CFAP20DC: variants seen among roughly 807,000 people sequenced by gnomAD.
The protein encoded by CFAP20DC is CFAP20 domain containing.
A neutral mutation model predicts 101.7 loss-of-function variants in CFAP20DC; 84 were observed. That is an observed-to-expected ratio of 0.83 (90% CI 0.69 to 0.99). The LOEUF (loss-of-function observed/expected upper bound fraction) is 0.99, where lower values mean the gene tolerates loss of function less well. Ranked by LOEUF, CFAP20DC falls within the 50% of genes least tolerant of loss-of-function variation. The pLI, the probability that CFAP20DC is intolerant of heterozygous loss-of-function variation, is 0.00. For missense variants in CFAP20DC, 1,007 were observed against 970.3 expected, an observed-to-expected ratio of 1.04 and a Z score of -0.50; for synonymous variants, 359 against 351.2, an observed-to-expected ratio of 1.02 and a Z score of -0.25.
At chr3:58,730,279 G>A (rs2067620626) in intron 3 of CFAP20DC, among the ~76,000 whole-genome samples, 1 of 152,150 alleles carries the variant, frequency 6.6e-6, no homozygotes, top group Non-Finnish European at 1.5e-5. Flanking sequence ...TGATGAATAT[G>A]TTAATTAACT....
chr3:58,871,602 C>T (rs2080225974), intron 7 of CFAP20DC, among the ~76,000 whole-genome samples: 1 of 150,440 alleles, frequency 6.6e-6, no homozygotes, highest in African/African-American at 2.5e-5. Context: ...GTTCTTGGCT[C>T]ACTGCAACCG....
At chr3:58,766,979 T>G (rs548365384) in intron 15 of CFAP20DC, among the ~76,000 whole-genome samples, 2 of 152,342 alleles carry the variant, frequency 1.3e-5, no homozygotes, top group Non-Finnish European at 2.9e-5. Flanking sequence ...ACTGTGATCT[T>G]CTCGTTAAGA....
chr3:58,770,130 C>G (rs1348172031), intron 15 of CFAP20DC, among the ~76,000 whole-genome samples: 1 of 152,164 alleles, frequency 6.6e-6, no homozygotes, highest in Admixed American at 6.5e-5. Context: ...TTTCTAGACA[C>G]TGAACTATTA....
At position 58,897,587 on chromosome 3, in the gene CFAP20DC, C is replaced by G. The variant is rs962391500; in HGVS notation, c.551-12878G>C. ...AAGGCAAGCCTCGTGGTGATGAGTT[C>G]CCTCAGCATTTGCTTGTCTGAAAAT... On this transcript the variant is annotated intron_variant, in intron 6 of 16. Coordinates refer to ENST00000482387, the MANE Select transcript of CFAP20DC (RefSeq NM_001394063.1). This position sits in a 1 kb window ranked among gnomAD's most constrained non-coding sequence, Gnocchi z 4.4. Among the ~76,000 whole-genome samples the G allele has an allele frequency of 7.2e-5, 11 of 152,202 alleles. No homozygotes were observed. The South Asian group carries it at 1.9e-3, about 26-fold the overall frequency.
intron 14 of CFAP20DC, among the ~76,000 whole-genome samples, chr3:58,826,503 T>A (rs1248620157): frequency 1.3e-5 from 2 of 152,196 alleles, no homozygotes; most frequent in Non-Finnish European, 2.9e-5. Context: ...TCCCTCCCTG[T>A]GTCCATGTGT....
At chr3:58,718,585 G>A (rs2067427886) in intron 3 of CFAP20DC, among the ~76,000 whole-genome samples, 1 of 152,158 alleles carries the variant, frequency 6.6e-6, no homozygotes, top group African/African-American at 2.4e-5. Flanking sequence ...TGTCCTGCGG[G>A]CACTGCCAAT....
rs1443082012 is a variant in CFAP20DC, at chr3:58,846,944, G to T, written c.1971+2088C>A. Among the ~76,000 whole-genome samples the T allele has an allele frequency of 9.1e-3, 1,350 of 148,136 alleles. 12 individuals carry two copies. The highest frequency in any genetic ancestry group is 0.032 in the African/African-American group (1,296 of 40,006). On this transcript the variant is annotated intron_variant, in intron 13 of 16. Coordinates refer to ENST00000482387, the MANE Select transcript of CFAP20DC (RefSeq NM_001394063.1). ...ATTCCCTATTTAATAAATGGTGCTG[G>T]GAAAACTGGCTAGCCATATGTAGAA...
At chr3:58,806,589 C>G in intron 14 of CFAP20DC, 133 bp from the exon 15 acceptor site, 1 of 695,430 alleles carries the variant, frequency 1.4e-6, no homozygotes, top group Non-Finnish European at 2.6e-6. Flanking sequence ...GGAGGGCAGC[C>G]AAGACGGCCG....
rs1018610314 is a variant in CFAP20DC at position 58,814,722 on chromosome 3, C to A, written c.2176-8266G>T. Among the ~76,000 whole-genome samples the A allele has an allele frequency of 2.0e-5, 3 of 150,612 alleles. 1 individual carries two copies. The highest frequency in any genetic ancestry group is 7.5e-5 in the African/African-American group (3 of 40,236). On this transcript the variant is annotated intron_variant, in intron 14 of 16. Transcript: ENST00000482387. ...TTCTGATACACCAACAACAGACAAA[C>A]AGAGAGCCAAATCATGAGTGAACTC...
Position 58,724,570 on chromosome 3 carries a change from T to C in CFAP20DC, c.198-6942A>G, listed in dbSNP as rs571383066. Among the ~76,000 whole-genome samples, 1 of 152,204 alleles carries C rather than the reference T, an allele frequency of 6.6e-6. No homozygotes were observed. Among genetic ancestry groups the C allele is most frequent in the Non-Finnish European group, 1.5e-5 (1 of 68,050 alleles). On this transcript the variant is annotated intron_variant, in intron 3 of 3. Coordinates refer to the CFAP20DC transcript ENST00000486145. This position sits in a 1 kb window ranked among gnomAD's most constrained non-coding sequence, Gnocchi z 5.6. ...TATGCTGTTTGAGCACAAAGGAGAT[T>C]CGTTTAAATCACTCTTGCTACAGAT...
At position 59,047,263 on chromosome 3, in the gene CFAP20DC, T is replaced by C; in HGVS notation, c.22-9A>G. The stretch of plus-strand genomic sequence containing the variant: ...TCAACAAATGCACCTCCCTAGAAAA[T>C]GAAAATAAAATATTAAAAGACAATG... On this transcript the variant is annotated splice_polypyrimidine_tract_variant and intron_variant, in intron 1 of 16. Transcript: ENST00000482387. 1 of 1,515,232 alleles carries C rather than the reference T, an allele frequency of 6.6e-7. No homozygotes were observed. The highest frequency in any genetic ancestry group is 8.9e-7 in the Non-Finnish European group (1 of 1,128,540). 93.9% of individuals were successfully genotyped at this position (1,515,232 alleles called of 1,614,324 possible). A position where few individuals can be genotyped will look rare whatever the true frequency, so the allele number is the denominator to read the frequency against.
chr3:59,014,458 G>T lies in CFAP20DC; in HGVS notation c.278+25099C>A, dbSNP rs994573424. Among the ~76,000 whole-genome samples, 1 of 152,122 alleles carries T rather than the reference G, an allele frequency of 6.6e-6. No individual in the cohort carries two copies. Among genetic ancestry groups the T allele is most frequent in the Non-Finnish European group, 1.5e-5 (1 of 68,002 alleles). ...TTATGATATCTATAATCCAAATAGT[G>T]TTGTCAATTCATAGGGATATCAAGC... On this transcript the variant is annotated intron_variant, in intron 4 of 16. Transcript: ENST00000482387. This position sits in a 1 kb window ranked among gnomAD's most constrained non-coding sequence, Gnocchi z 4.9.
intron 6 of CFAP20DC, among the ~76,000 whole-genome samples, chr3:58,886,185 A>C (rs925684337): frequency 6.6e-6 from 1 of 152,172 alleles, no homozygotes; most frequent in African/African-American, 2.4e-5. Context: ...AAAATTAAAA[A>C]AATTAGAAAC....
chr3:58,909,282 T>C (rs1379796270), intron 6 of CFAP20DC, among the ~76,000 whole-genome samples: 1 of 152,104 alleles, frequency 6.6e-6, no homozygotes, highest in African/African-American at 2.4e-5. Flanking sequence ...CTCTATACTG[T>C]CCGCTTCATT....
rs1287414847 is a variant in CFAP20DC at position 58,892,050 on chromosome 3, T to A, written c.551-7341A>T. Among the ~76,000 whole-genome samples, 1 of 152,266 alleles carries A rather than the reference T, an allele frequency of 6.6e-6. No individual in the cohort carries two copies. Among genetic ancestry groups the A allele is most frequent in the African/African-American group, 2.4e-5 (1 of 41,478 alleles). ...GGGTCCAGCTTCAATCTGATGCATA[T>A]GGCTAACCAGTTATCCCAGCATCAT... On this transcript the variant is annotated intron_variant, in intron 6 of 16. Coordinates refer to ENST00000482387, the MANE Select transcript of CFAP20DC (RefSeq NM_001394063.1). The surrounding 1 kb of genome is among the most constrained non-coding windows in gnomAD (Gnocchi z 4.0).
Position 58,890,834 on chromosome 3 carries a change from G to A in CFAP20DC, c.551-6125C>T, listed in dbSNP as rs563511467. On this transcript the variant is annotated intron_variant, in intron 6 of 16. Transcript: ENST00000482387. ...CCCACATCTCAGACGATGGGCCGCC[G>A]GGCAGAGACGCTCCTCACTTCCTAG... Among the ~76,000 whole-genome samples, 51 of 150,052 alleles carry A rather than the reference G, an allele frequency of 3.4e-4. No homozygotes were observed. The South Asian group carries it at 0.01, about 31-fold the overall frequency.
At chr3:58,841,960 G>A (rs995669868) in intron 13 of CFAP20DC, among the ~76,000 whole-genome samples, 9 of 152,126 alleles carry the variant, frequency 5.9e-5, no homozygotes, top group Non-Finnish European at 1.0e-4. Context: ...TTATACGTGC[G>A]AAAAAGTTTA....
At chr3:58,816,882 G>A (rs1440086963) in intron 14 of CFAP20DC, among the ~76,000 whole-genome samples, 2 of 152,150 alleles carry the variant, frequency 1.3e-5, no homozygotes, top group South Asian at 2.1e-4. Context: ...GCAGACTTAA[G>A]TGTCCCTGTC....
intron 15 of CFAP20DC, among the ~76,000 whole-genome samples, chr3:58,805,978 A>T (rs2074025111): frequency 1.3e-5 from 2 of 152,260 alleles, no homozygotes; most frequent in Admixed American, 6.5e-5. Flanking sequence ...TATAAAAAAG[A>T]TTTATGCCTA....
Sources: allele counts gnomAD v4.1 joint callset (sites outside exome capture counted in the v4.1 genomes callset), GRCh38; gene constraint gnomAD v4.1.1; non-coding constraint Gnocchi (gnomAD v3.1); transcripts MANE v1.5; gene names NCBI Gene and HGNC (gene_info 2026-07-23, HGNC 2026-07-21).